NPR2: variants seen among roughly 807,000 people sequenced by gnomAD.
The protein encoded by NPR2 is natriuretic peptide receptor 2, also known as atrial natriuretic peptide receptor 2.
In NPR2, 49 loss-of-function variants were observed where a neutral mutation model predicts 120.7. The observed-to-expected ratio is 0.41, with a 90% CI of 0.32 to 0.52. The LOEUF (loss-of-function observed/expected upper bound fraction) is 0.52, where lower values mean the gene tolerates loss of function less well. NPR2 is among the 20% of genes least tolerant of loss of function. The pLI, the probability that NPR2 is intolerant of heterozygous loss-of-function variation, is 0.36. For synonymous variants in NPR2, 484 were observed against 519.8 expected (o/e 0.93, Z 0.94); for missense variants, 931 against 1,362.9 (o/e 0.68, Z 4.99).
chr9:35,802,078 C>T lies in NPR2; in HGVS notation c.1632+78C>T, dbSNP rs1828189490. ...CCATCTGCCACCTCTGCCCCTGAAC[C>T]TCTGTCCCTCATACCCGACTCTCTG... On this transcript the variant is annotated intron_variant, in intron 9 of 21. Coordinates refer to ENST00000342694, the MANE Select transcript of NPR2 (RefSeq NM_003995.4). This position sits in a 1 kb window ranked among gnomAD's most constrained non-coding sequence, Gnocchi z 4.2. 6.9e-7 allele frequency: 1 copy of T among 1,439,488 alleles called. No homozygotes were observed. Among genetic ancestry groups the T allele is most frequent in the Admixed American group, 1.7e-5 (1 of 59,786 alleles). The allele number at this position is 1,439,488 out of a possible 1,614,324, so 89.2% of individuals were successfully genotyped here.
At position 35,792,574 on chromosome 9, in the gene NPR2, C is replaced by T; in HGVS notation, c.166C>T (p.Leu56=). Reference sequence around the variant, plus strand: ...CGCTGTGGCACTAGCTGTGGAGGCTCTGGGCCGGGCACTGCCCGTGGACCT... The same window carrying T: ...CGCTGTGGCACTAGCTGTGGAGGCTTTGGGCCGGGCACTGCCCGTGGACCT... ...GPAVALAVEA[L]GRALPVDLRF... The change falls in exon 1 of 22, where the codon CTG becomes TTG. Residue 56 remains leucine (L), a synonymous_variant. Coordinates refer to ENST00000342694, the MANE Select transcript of NPR2 (RefSeq NM_003995.4). 1 of 1,612,982 alleles carries T rather than the reference C, an allele frequency of 6.2e-7. No individual in the cohort carries two copies. The highest frequency in any genetic ancestry group is 8.5e-7 in the Non-Finnish European group (1 of 1,179,992).
chr9:35,804,119 C>T (rs141672861), intron 12 of NPR2, among the ~76,000 whole-genome samples: 1 of 152,156 alleles, frequency 6.6e-6, no homozygotes. Context: ...CAGAGCTAAA[C>T]ATTTAGACAG....
chr9:35,802,881 C>T lies in NPR2; in HGVS notation c.1887+78C>T. On this transcript the variant is annotated intron_variant, in intron 12 of 21. Transcript: ENST00000342694. The surrounding 1 kb of genome is among the most constrained non-coding windows in gnomAD (Gnocchi z 4.2). ...TTCTTTGATTGTGGTTTTTCTCCTT[C>T]TAGTCCTCTGAAGTCCTGTTCTCTC... 3.0e-6 allele frequency: 3 copies of T among 995,284 alleles called. No individual in the cohort carries two copies. The South Asian group carries it at 3.8e-5, about 13-fold the overall frequency. 61.7% of individuals were successfully genotyped at this position (995,284 alleles called of 1,614,324 possible).
At position 35,809,724 on chromosome 9, in the gene NPR2, T is replaced by C; in HGVS notation, c.*279T>C. ...TATAAAACAATAATAAAAAAAGTTC[T>C]GATGTCATAGTGTGGGATAGGGGCA... is the stretch of plus-strand genomic sequence containing the variant. On this transcript the variant is annotated 3_prime_UTR_variant, in exon 22 of 22. Transcript: ENST00000342694. The surrounding 1 kb of genome is among the most constrained non-coding windows in gnomAD (Gnocchi z 4.1). 3 of 1,304,670 alleles carry C rather than the reference T, an allele frequency of 2.3e-6. No homozygotes were observed. Among genetic ancestry groups the C allele is most frequent in the African/African-American group, 2.9e-5 (2 of 68,428 alleles). 80.8% of individuals were successfully genotyped at this position (1,304,670 alleles called of 1,614,324 possible). A position where few individuals can be genotyped will look rare whatever the true frequency, so the allele number is the denominator to read the frequency against.
chr9:35,801,907 A>C lies in NPR2; in HGVS notation c.1558-19A>C. On this transcript the variant is annotated intron_variant, in intron 8 of 21. Coordinates refer to ENST00000342694, the MANE Select transcript of NPR2 (RefSeq NM_003995.4). ...ATGTTCCTTTCATCCTTCCGCCTCC[A>C]TGTTGCCCTTGGCCCCAGCGGGGAT... 6.2e-7 allele frequency: 1 copy of C among 1,613,468 alleles called. No individual in the cohort carries two copies. Among genetic ancestry groups the C allele is most frequent in the Non-Finnish European group, 8.5e-7 (1 of 1,179,522 alleles).
chr9:35,808,755 G>T lies in NPR2; in HGVS notation c.2888G>T (p.Gly963Val). 6.2e-7 allele frequency: 1 copy of T among 1,613,332 alleles called. No individual in the cohort carries two copies. The highest frequency in any genetic ancestry group is 8.5e-7 in the Non-Finnish European group (1 of 1,179,264). The part of the protein sequence containing the change: ...QLRLRIGVHT[G>V]PVCAGVVGLK... ...TCTCCCAACCTGTTTCTTCTCAAAG[G>T]GCCAGTCTGTGCTGGGGTTGTTGGC... The change falls in exon 20 of 22, where the codon GGG (glycine) becomes GTG (valine). Residue 963 changes from glycine (G) to valine (V), a missense_variant and splice_region_variant. Coordinates refer to ENST00000342694, the MANE Select transcript of NPR2 (RefSeq NM_003995.4). The surrounding 1 kb of genome is among the most constrained non-coding windows in gnomAD (Gnocchi z 4.0).
chr9:35,798,781 G>A (rs1210034345), intron 2 of NPR2, among the ~76,000 whole-genome samples: 1 of 152,226 alleles, frequency 6.6e-6, no homozygotes, highest in Non-Finnish European at 1.5e-5. Context: ...CTCAGGAAGG[G>A]GAAATGTGTG....
intron 2 of NPR2, among the ~76,000 whole-genome samples, chr9:35,795,999 T>C (rs1827934346): frequency 6.6e-6 from 1 of 152,186 alleles, no homozygotes; most frequent in Admixed American, 6.5e-5. Flanking sequence ...TTTGGTAGGA[T>C]GGGCAGGCAA....
At position 35,793,956 on chromosome 9, in the gene NPR2, G is replaced by A. The variant is rs1211036772; in HGVS notation, c.726G>A (p.Arg242=). 6.2e-7 allele frequency: 1 copy of A among 1,614,158 alleles called. No homozygotes were observed. The highest frequency in any genetic ancestry group is 1.3e-5 in the African/African-American group (1 of 75,030). ...MLHEILLQAQ[R]ENLTNGDYVF... is the part of the protein sequence containing the mutation. ...ATGAGATCCTGCTTCAGGCCCAGAG[G>A]GAGAATCTGACCAATGGGGATTATG... The change falls in exon 2 of 22, where the codon AGG becomes AGA. Residue 242 remains arginine (R), a synonymous_variant. Transcript: ENST00000342694.
chr9:35,794,760 G>T (rs1196831787), intron 2 of NPR2, among the ~76,000 whole-genome samples: 1 of 152,132 alleles, frequency 6.6e-6, no homozygotes, highest in Non-Finnish European at 1.5e-5. Flanking sequence ...AAATAAAGTT[G>T]CAAAGGTAGA....
Position 35,792,917 on chromosome 9 carries a change from AC to A in NPR2, c.511del (p.Leu171TrpfsTer75), listed in dbSNP as rs1423352004. On this transcript the variant is annotated frameshift_variant, in exon 1 of 22. Transcript: ENST00000342694. LOFTEE classifies it high-confidence loss of function. ...FNWTARAALL[Y>X]LDARTDDRPH... ...TGGACTGCCCGTGCTGCCTTGCTGT[AC>A]CTGGATGCTCGCACAGATGACCGGC... 1.2e-6 allele frequency: 2 copies of A among 1,614,002 alleles called. No individual in the cohort carries two copies. The highest frequency in any genetic ancestry group is 1.7e-6 in the Non-Finnish European group (2 of 1,180,010).
rs1588071429 is a variant in NPR2 at position 35,808,170 on chromosome 9, T to C, written c.2713-339T>C. 1 of 1,612,140 alleles carries C rather than the reference T, an allele frequency of 6.2e-7. No individual in the cohort carries two copies. The highest frequency in any genetic ancestry group is 1.3e-5 in the African/African-American group (1 of 75,012). ...TCCATTTCACTGGGCCTGCTTTACCTCCTCACCAGCCTCTGTCCTCTTGAG... is the reference window on the plus strand; with the variant it reads ...TCCATTTCACTGGGCCTGCTTTACCCCCTCACCAGCCTCTGTCCTCTTGAG... On this transcript the variant is annotated intron_variant, in intron 18 of 21. Coordinates refer to ENST00000342694, the MANE Select transcript of NPR2 (RefSeq NM_003995.4). The surrounding 1 kb of genome is among the most constrained non-coding windows in gnomAD (Gnocchi z 4.0).
rs771311110 is a variant in NPR2 at position 35,801,985 on chromosome 9, C to G, written c.1617C>G (p.Asn539Lys). 4 of 1,614,074 alleles carry G rather than the reference C, an allele frequency of 2.5e-6. No individual in the cohort carries two copies. The South Asian group carries it at 4.4e-5, about 18-fold the overall frequency. The change falls in exon 9 of 22, where the codon AAC becomes AAG. Residue 539 changes from asparagine (N) to lysine (K), a missense_variant. Asn to Lys is a moderately conservative substitution (Grantham distance 94). This residue lies in a region of NPR2 where 681 missense variants were observed against 974.3 expected (regional missense o/e 0.70). Transcript: ENST00000342694. ...TAHGKYQIFA[N>K]TGHFKGNVVA... is the part of the protein sequence containing the mutation. ...ATGGGAAATACCAGATCTTTGCCAACACCGGTCACTTCAAGGTGAACAGTC... is the reference window on the plus strand; with the variant it reads ...ATGGGAAATACCAGATCTTTGCCAAGACCGGTCACTTCAAGGTGAACAGTC...
intron 2 of NPR2, among the ~76,000 whole-genome samples, chr9:35,796,664 G>A (rs551581395): frequency 1.3e-5 from 2 of 152,328 alleles, no homozygotes; most frequent in Admixed American, 1.3e-4. Context: ...GAGAAATAAA[G>A]AGGGAATCTT....
chr9:35,802,193 C>T lies in NPR2; in HGVS notation c.1633-13C>T, dbSNP rs1192543964. 4.5e-6 allele frequency: 7 copies of T among 1,565,198 alleles called. No homozygotes were observed. In the African/African-American group the frequency reaches 5.4e-5, roughly 12 times the overall value. On this transcript the variant is annotated splice_polypyrimidine_tract_variant and intron_variant, in intron 9 of 21. Transcript: ENST00000342694. This position sits in a 1 kb window ranked among gnomAD's most constrained non-coding sequence, Gnocchi z 4.2. Reference sequence around the variant, plus strand: ...ATATTCACTTTCCTTTCCCCTTTCACTCCCACCATCAGGGAAATGTTGTCG... The same window carrying T: ...ATATTCACTTTCCTTTCCCCTTTCATTCCCACCATCAGGGAAATGTTGTCG...
At position 35,800,417 on chromosome 9, in the gene NPR2, G is replaced by C; in HGVS notation, c.1152G>C (p.Lys384Asn). 2.5e-6 allele frequency: 4 copies of C among 1,614,162 alleles called. No individual in the cohort carries two copies. The highest frequency in any genetic ancestry group is 3.4e-6 in the Non-Finnish European group (4 of 1,179,998). Residue 384 changes from lysine to asparagine, a missense_variant, in exon 5 of 22, where the codon AAG becomes AAC. Physicochemically the swap from Lys to Asn is moderately conservative, Grantham distance 94. Coordinates refer to ENST00000342694, the MANE Select transcript of NPR2 (RefSeq NM_003995.4). This position sits in a 1 kb window ranked among gnomAD's most constrained non-coding sequence, Gnocchi z 4.7. ...TAACTGGGCTGGTTGTCATGGACAA[G>C]AACAATGACCGAGAGACTGACTTTG... ...HGVTGLVVMD[K>N]NNDRETDFVL...
chr9:35,792,423 A>G lies in NPR2; in HGVS notation c.15A>G (p.Ser5=). 6.2e-7 allele frequency: 1 copy of G among 1,611,198 alleles called. No individual in the cohort carries two copies. Among genetic ancestry groups the G allele is most frequent in the Non-Finnish European group, 8.5e-7 (1 of 1,179,674 alleles). The change falls in exon 1 of 22, where the codon TCA becomes TCG. Residue 5 remains serine (S), a synonymous_variant. Transcript: ENST00000342694. MALP[S]LLLLVAALAG... ...GCTTTATCCCCATGGCGCTGCCATC[A>G]CTTCTGCTGTTGGTGGCAGCCCTGG...
rs972853051 is a variant in NPR2, at chr9:35,800,642, C to T, written c.1219-67C>T. 2 of 1,612,810 alleles carry T rather than the reference C, an allele frequency of 1.2e-6. No homozygotes were observed. The highest frequency in any genetic ancestry group is 1.7e-6 in the Non-Finnish European group (2 of 1,179,276). Reference sequence around the variant, plus strand: ...TAGGCTGGGGAGAAAAGCAGCGAAACAGCTGGGGTCTGGGGAGGAGGCTGG... The same window carrying T: ...TAGGCTGGGGAGAAAAGCAGCGAAATAGCTGGGGTCTGGGGAGGAGGCTGG... On this transcript the variant is annotated intron_variant, in intron 5 of 21. Transcript: ENST00000342694. This position sits in a 1 kb window ranked among gnomAD's most constrained non-coding sequence, Gnocchi z 4.7.
In NPR2 at chr9:35,801,928, G is replaced by A. The variant is rs931299496; in HGVS notation, c.1560G>A (p.Arg520=). The change falls in exon 9 of 22, where the codon CGG becomes CGA. Residue 520 remains arginine, a splice_region_variant and synonymous_variant. Coordinates refer to ENST00000342694, the MANE Select transcript of NPR2 (RefSeq NM_003995.4). The part of the protein sequence containing the change: ...GAGSRLTLSL[R]GSSYGSLMTA... ...CTCCATGTTGCCCTTGGCCCCAGCGGGGATCCAGTTACGGCTCGCTCATGA... is the reference window on the plus strand; with the variant it reads ...CTCCATGTTGCCCTTGGCCCCAGCGAGGATCCAGTTACGGCTCGCTCATGA... 1 of 1,613,972 alleles carries A rather than the reference G, an allele frequency of 6.2e-7. No individual in the cohort carries two copies. Among genetic ancestry groups the A allele is most frequent in the African/African-American group, 1.3e-5 (1 of 74,884 alleles).
Sources: gnomAD v4.1 joint callset for allele counts (sites outside exome capture counted in the v4.1 genomes callset) on GRCh38, gnomAD v4.1.1 for gene constraint, gnomAD v4.1.1 regional missense constraint, Gnocchi (gnomAD v3.1) non-coding constraint, MANE v1.5 for transcripts, NCBI Gene and HGNC (gene_info 2026-07-23, HGNC 2026-07-21) for gene names.